The following PGLYRP4 variants were observed in gnomAD, a reference collection of about 807,000 sequenced individuals.
PGLYRP4 encodes the protein PGRP-I-beta.
In PGLYRP4, 39 loss-of-function variants were observed where a neutral mutation model predicts 41.2. That is an observed-to-expected ratio of 0.95 (90% CI 0.73 to 1.24). The LOEUF is 1.24. Ranked by LOEUF, PGLYRP4 falls within the 50% of genes most tolerant of loss-of-function variation. The pLI is 0.00. For missense variants in PGLYRP4, 467 were observed against 460.7 expected (o/e 1.01, Z -0.13); for synonymous variants, 202 against 186.8 (o/e 1.08, Z -0.66).
rs1234655616 is a variant in PGLYRP4, at chr1:153,337,180, C to A, written c.943+1G>T. 1.6e-5 allele frequency: 26 copies of A among 1,592,930 alleles called. No individual in the cohort carries two copies. Among genetic ancestry groups the A allele is most frequent in the Admixed American group, 6.7e-5 (4 of 59,940 alleles). On this transcript the variant is annotated splice_donor_variant, in intron 8 of 8. Coordinates refer to ENST00000359650, the MANE Select transcript of PGLYRP4 (RefSeq NM_020393.4). LOFTEE classifies it high-confidence loss of function. ...CCCTACTGACCAAAGCATCCACTTA[C>A]CTGTGAAGGTGCCCATGAAGGTAAT...
At chr1:153,346,562 A>C (rs1308797297) in intron 2 of PGLYRP4, among the ~76,000 whole-genome samples, 1 of 152,114 alleles carries the variant, frequency 6.6e-6, no homozygotes, top group Admixed American at 6.5e-5. Context: ...GCAATGGGGA[A>C]GCGTGTGTGA....
At chr1:153,347,321 G>A (rs1341353394) in intron 2 of PGLYRP4, among the ~76,000 whole-genome samples, 1 of 150,972 alleles carries the variant, frequency 6.6e-6, no homozygotes, top group African/African-American at 2.4e-5. Flanking sequence ...TTAGAGGCGT[G>A]AGCAACTGCG....
At chr1:153,341,830 G>A (rs1398683769) in intron 5 of PGLYRP4, 51 bp from the exon 6 acceptor site, 3 of 1,563,042 alleles carry the variant, frequency 1.9e-6, no homozygotes, top group Non-Finnish European at 2.6e-6. Context: ...AGTTTCAGGG[G>A]ATCTTTTGGG....
chr1:153,336,433 C>T (rs1660570045), intron 8 of PGLYRP4, among the ~76,000 whole-genome samples: 1 of 134,548 alleles, frequency 7.4e-6, no homozygotes, highest in Non-Finnish European at 1.6e-5. Context: ...TTTACAGCAA[C>T]ATAAGTGGAA....
intron 7 of PGLYRP4, 44 bp from the exon 8 acceptor site, chr1:153,337,343 GAATTGTT>G: frequency 8.6e-7 from 1 of 1,163,510 alleles, no homozygotes; most frequent in Non-Finnish European, 1.3e-6. Flanking sequence ...TGAAATTCTG[GAATTGTT>G]TCTCTCTTTC....
chr1:153,336,890 A>T (rs908954388), intron 8 of PGLYRP4, among the ~76,000 whole-genome samples: 21 of 152,316 alleles, frequency 1.4e-4, no homozygotes, highest in African/African-American at 5.1e-4. Context: ...GCTGACCAAG[A>T]TGAGCTAAAA....
intron 5 of PGLYRP4, among the ~76,000 whole-genome samples, chr1:153,342,646 T>G (rs1273240741): frequency 4.6e-5 from 7 of 152,128 alleles, no homozygotes; most frequent in African/African-American, 1.7e-4. Context: ...CAGAGTGGTT[T>G]TTTTTTAGAA....
chr1:153,341,337 T>G (rs144116170), intron 6 of PGLYRP4, among the ~76,000 whole-genome samples: 170 of 152,374 alleles, frequency 1.1e-3, no homozygotes, highest in Non-Finnish European at 1.7e-3. Context: ...TTTCAGGGTC[T>G]AGAAGGTGTT....
chr1:153,347,415 G>A (rs1214352498), intron 2 of PGLYRP4, among the ~76,000 whole-genome samples: 2 of 152,096 alleles, frequency 1.3e-5, no homozygotes, highest in African/African-American at 4.8e-5. Context: ...TGTCACCCAG[G>A]TTGGAGTGCA....
intron 8 of PGLYRP4, among the ~76,000 whole-genome samples, chr1:153,335,501 A>C (rs1660516168): frequency 6.6e-6 from 1 of 150,970 alleles, no homozygotes; most frequent in Non-Finnish European, 1.5e-5. Context: ...AGCATCTTAC[A>C]CCAGTCAGAT....
intron 8 of PGLYRP4, among the ~76,000 whole-genome samples, chr1:153,335,767 G>A (rs1250471872): frequency 7.1e-6 from 1 of 141,714 alleles, no homozygotes; most frequent in Non-Finnish European, 1.5e-5. Flanking sequence ...AAAAATAACA[G>A]ATGTTGCTGA....
intron 8 of PGLYRP4, among the ~76,000 whole-genome samples, chr1:153,334,478 T>TTA (rs1660467850): frequency 8.2e-6 from 1 of 122,248 alleles, no homozygotes; most frequent in East Asian, 2.1e-4. Flanking sequence ...TTATATATAT[T>TTA]TATATATATA....
chr1:153,336,631 C>T (rs1660578049), intron 8 of PGLYRP4, among the ~76,000 whole-genome samples: 1 of 151,962 alleles, frequency 6.6e-6, no homozygotes, highest in Non-Finnish European at 1.5e-5. Context: ...TAATGGGTAC[C>T]ATGTACACTA....
Position 153,346,090 on chromosome 1 carries a change from G to C in PGLYRP4, c.139+12C>G. The stretch of plus-strand genomic sequence containing the variant: ...CGTCCCAAAACCCCCTTACTATCCA[G>C]ATCCAGTTTACCTTTTTCAGTGAGC... On this transcript the variant is annotated intron_variant, in intron 3 of 8. Coordinates refer to ENST00000359650, the MANE Select transcript of PGLYRP4 (RefSeq NM_020393.4). The C allele has an allele frequency of 1.9e-6, 3 of 1,594,340 alleles. No homozygotes were observed. The highest frequency in any genetic ancestry group is 2.2e-5 in the East Asian group (1 of 44,790).
At chr1:153,347,798 G>T in intron 2 of PGLYRP4, 86 bp downstream of exon 2, 1 of 981,956 alleles carries the variant, frequency 1.0e-6, no homozygotes, top group Non-Finnish European at 1.6e-6. Flanking sequence ...AGGCTCAGAT[G>T]GACAGTAGGT....
chr1:153,342,748 C>G (rs911225126), intron 5 of PGLYRP4, among the ~76,000 whole-genome samples: 1 of 152,122 alleles, frequency 6.6e-6, no homozygotes, highest in African/African-American at 2.4e-5. Context: ...ATGGTCAGAG[C>G]TCAAGAGGAA....
In PGLYRP4 at chr1:153,340,561, G is replaced by A. The variant is rs749280550; in HGVS notation, c.644C>T (p.Pro215Leu). Residue 215 changes from proline to leucine, a missense_variant, in exon 7 of 9, where the codon CCA becomes CTA. Physicochemically the swap from Pro to Leu is moderately conservative, Grantham distance 98. Coordinates refer to ENST00000359650, the MANE Select transcript of PGLYRP4 (RefSeq NM_020393.4). ...CTCCCTGGCTCCCCACACAGACCGT[G>A]GGACAACGCCGGGGCAAGCTGAGGT... Reference protein sequence around the residue: ...SLKKACPGVVPRSVWGARETH... With the variant: ...SLKKACPGVVLRSVWGARETH... 42 of 1,614,018 alleles carry A rather than the reference G, an allele frequency of 2.6e-5. No homozygotes were observed. The highest frequency in any genetic ancestry group is 3.6e-5 in the Non-Finnish European group (42 of 1,180,008).
chr1:153,340,720 C>T (rs983101596), intron 6 of PGLYRP4, 141 bp from the exon 7 acceptor site: 6 of 690,428 alleles, frequency 8.7e-6, no homozygotes, highest in African/African-American at 5.4e-5. Context: ...AACCACCCTG[C>T]CCCCAACAGT....
intron 7 of PGLYRP4, among the ~76,000 whole-genome samples, chr1:153,337,643 C>T (rs1164118346): frequency 6.6e-6 from 1 of 152,198 alleles, no homozygotes; most frequent in East Asian, 1.9e-4. Context: ...CATGAGCTGG[C>T]ACAAGCCCAT....
Sources: gnomAD v4.1 joint callset for allele counts (sites outside exome capture counted in the v4.1 genomes callset) on GRCh38, gnomAD v4.1.1 for gene constraint, MANE v1.5 for transcripts, NCBI Gene and HGNC (gene_info 2026-07-23, HGNC 2026-07-21) for gene names.